The following SMIM10L2B variants were observed in gnomAD, a reference collection of about 807,000 sequenced individuals.
SMIM10L2B encodes small integral membrane protein 10-like protein 2B.
For missense variants in SMIM10L2B, 40 were observed against 58.7 expected (o/e 0.68, Z 1.04); for synonymous variants, 28 against 30.0 (o/e 0.93, Z 0.22).
At position 135,096,088 on chromosome X, in the gene SMIM10L2B, CTGAGAATG is replaced by C. The variant is rs1556397973; in HGVS notation, c.*1390_*1397del. 5 of 111,584 alleles carry C rather than the reference CTGAGAATG, an allele frequency of 4.5e-5. No individual in the cohort carries two copies. The highest frequency in any genetic ancestry group is 9.4e-5 in the Non-Finnish European group (5 of 53,157). The allele number at this position is 111,584 out of a possible 1,213,427, so 9.2% of individuals were successfully genotyped here. ...CTGCTGCAGTTTTCAATCCCAGGAA[CTGAGAATG>C]TGGCCCTCAGGGTACCAGTGCAAGA... is the stretch of plus-strand genomic sequence containing the variant. On this transcript the variant is annotated 3_prime_UTR_variant, in exon 2 of 2. Transcript: ENST00000433425.
In SMIM10L2B at chrX:135,096,690, C is replaced by G. The variant is rs1282955749; in HGVS notation, c.*796G>C. The G allele has an allele frequency of 8.9e-6, 1 of 111,847 alleles. No individual in the cohort carries two copies. The allele number at this position is 111,847 out of a possible 1,213,427, so 9.2% of individuals were successfully genotyped here. On this transcript the variant is annotated 3_prime_UTR_variant, in exon 2 of 2. Coordinates refer to ENST00000433425, the MANE Select transcript of SMIM10L2B (RefSeq NM_001348255.2). The stretch of plus-strand genomic sequence containing the variant: ...TATGCTTCCCTCTTCACTTTCCCCT[C>G]CCTCCTCCCATCATGCCAGGTCTTG...
At chrX:135,097,261 G>A (rs2083450147) in intron 1 of SMIM10L2B, 140 bp from the exon 2 acceptor site, 2 of 113,230 alleles carry the variant, frequency 1.8e-5, no homozygotes, top group Non-Finnish European at 3.7e-5. Context: ...TGTGTGCTCA[G>A]GGAGGTCTCT....
rs1556397984 is a variant in SMIM10L2B, at chrX:135,096,143, G to A, written c.*1343C>T. 1.8e-5 allele frequency: 2 copies of A among 111,303 alleles called. No homozygotes were observed. The highest frequency in any genetic ancestry group is 6.6e-5 in the African/African-American group (2 of 30,516). 9.2% of individuals were successfully genotyped at this position (111,303 alleles called of 1,213,427 possible). On this transcript the variant is annotated 3_prime_UTR_variant, in exon 2 of 2. Coordinates refer to ENST00000433425, the MANE Select transcript of SMIM10L2B (RefSeq NM_001348255.2). ...AAGAGATGCGGAAATGGGGATAGCA[G>A]GTGAGGGCGAGGGTCCCTTCCTGGC...
At chrX:135,097,314 G>A (rs183821853) in intron 1 of SMIM10L2B, among the ~76,000 whole-genome samples, 193 bp from the exon 2 acceptor site, 10 of 112,779 alleles carry the variant, frequency 8.9e-5, no homozygotes, top group Non-Finnish European at 1.5e-4. Flanking sequence ...TCTCGAGGCC[G>A]TCTGGGGCTG....
chrX:135,096,217 C>T lies in SMIM10L2B; in HGVS notation c.*1269G>A, dbSNP rs782789924. ...ATTGTACACCAGTTAGCAGCACAAC[C>T]GGGGGCCCCCAGGACCAATCCAAGC... is the stretch of plus-strand genomic sequence containing the variant. On this transcript the variant is annotated 3_prime_UTR_variant, in exon 2 of 2. Coordinates refer to ENST00000433425, the MANE Select transcript of SMIM10L2B (RefSeq NM_001348255.2). 1 of 110,904 alleles carries T rather than the reference C, an allele frequency of 9.0e-6. No individual in the cohort carries two copies. The highest frequency in any genetic ancestry group is 3.3e-5 in the African/African-American group (1 of 30,391). The allele number at this position is 110,904 out of a possible 1,213,427, so 9.1% of individuals were successfully genotyped here.
Position 135,098,600 on chromosome X carries a change from C to A in SMIM10L2B, c.34G>T (p.Ala12Ser). ...AASAALSAAA[A>S]AAALSGLAVR... ...GCCAAGCCAGACAGGGCTGCCGCCG[C>A]CGCCGCCGCAGACAGAGCCGCCGAC... The change falls in exon 1 of 2, where the codon GCG (alanine) becomes TCG (serine). Residue 12 changes from alanine (A) to serine (S), a missense_variant. Ala to Ser is a moderately conservative substitution (Grantham distance 99, BLOSUM62 1). Coordinates refer to ENST00000433425, the MANE Select transcript of SMIM10L2B (RefSeq NM_001348255.2). 1.8e-6 allele frequency: 1 copy of A among 565,833 alleles called. No individual in the cohort carries two copies. The highest frequency in any genetic ancestry group is 2.5e-6 in the Non-Finnish European group (1 of 403,166). The allele number at this position is 565,833 out of a possible 1,213,427, so 46.6% of individuals were successfully genotyped here. A position where few individuals can be genotyped will look rare whatever the true frequency, so the allele number is the denominator to read the frequency against.
chrX:135,097,902 A>T (rs2083453116), intron 1 of SMIM10L2B, 131 bp downstream of exon 1: 1 of 111,918 alleles, frequency 8.9e-6, no homozygotes, highest in Non-Finnish European at 1.9e-5. Context: ...TCCTTTCCCC[A>T]CCTGGGCTCC....
intron 1 of SMIM10L2B, among the ~76,000 whole-genome samples, chrX:135,097,577 G>A (rs2083451241): frequency 1.8e-5 from 2 of 112,193 alleles, no homozygotes; most frequent in Admixed American, 1.9e-4. Context: ...TTTGCCAAGG[G>A]CTGTGCAGGA....
chrX:135,098,511 C>G lies in SMIM10L2B; in HGVS notation c.123G>C (p.Thr41=). The part of the protein sequence containing the change: ...GSYGAFCKGL[T]RTLLTFFDLA... ...GGTCGAAGAAGGTGAGCAGCGTGCGCGTGAGCCCCTTGCAGAAGGCGCCGT... is the reference window on the plus strand; with the variant it reads ...GGTCGAAGAAGGTGAGCAGCGTGCGGGTGAGCCCCTTGCAGAAGGCGCCGT... The change falls in exon 1 of 2, where the codon ACG becomes ACC. Residue 41 remains threonine, a synonymous_variant. Coordinates refer to ENST00000433425, the MANE Select transcript of SMIM10L2B (RefSeq NM_001348255.2). 1 of 1,055,469 alleles carries G rather than the reference C, an allele frequency of 9.5e-7. No individual in the cohort carries two copies. 87.0% of individuals were successfully genotyped at this position (1,055,469 alleles called of 1,213,427 possible). A position where few individuals can be genotyped will look rare whatever the true frequency, so the allele number is the denominator to read the frequency against.
intron 1 of SMIM10L2B, among the ~76,000 whole-genome samples, chrX:135,097,394 G>A (rs577256639): frequency 4.7e-4 from 53 of 112,490 alleles, no homozygotes; most frequent in Middle Eastern, 4.6e-3. Context: ...CTGACATGGC[G>A]GAAGAGCAAG....
rs1450887324 is a variant in SMIM10L2B, at chrX:135,095,111, A to T, written c.*2375T>A. On this transcript the variant is annotated 3_prime_UTR_variant, in exon 2 of 2. Coordinates refer to ENST00000433425, the MANE Select transcript of SMIM10L2B (RefSeq NM_001348255.2). ...AGCCTGTGCTGACCAGTACACAGTG[A>T]ATCACACACAGAAACGTATGTCATT... 11 of 111,896 alleles carry T rather than the reference A, an allele frequency of 9.8e-5. No homozygotes were observed. The highest frequency in any genetic ancestry group is 2.9e-4 in the African/African-American group (9 of 30,687). 9.2% of individuals were successfully genotyped at this position (111,896 alleles called of 1,213,427 possible).
Position 135,098,352 on chromosome X carries a change from T to C in SMIM10L2B, c.*45A>G. The C allele has an allele frequency of 2.8e-6, 1 of 352,303 alleles. No individual in the cohort carries two copies. Among genetic ancestry groups the C allele is most frequent in the Non-Finnish European group, 4.6e-6 (1 of 215,950 alleles). 29.0% of individuals were successfully genotyped at this position (352,303 alleles called of 1,213,427 possible). A position where few individuals can be genotyped will look rare whatever the true frequency, so the allele number is the denominator to read the frequency against. On this transcript the variant is annotated 3_prime_UTR_variant, in exon 1 of 2. Transcript: ENST00000433425. The stretch of plus-strand genomic sequence containing the variant: ...CGGCCGGGGGCGGGCGGGGACACTG[T>C]CGCCCCTCCAGCCGGGCCTCCGCGG...
rs782137814 is a variant in SMIM10L2B, at chrX:135,097,103, C to T, written c.*383G>A. The T allele has an allele frequency of 2.2e-4, 25 of 113,458 alleles. No individual in the cohort carries two copies. Among genetic ancestry groups the T allele is most frequent in the African/African-American group, 8.0e-4 (25 of 31,297 alleles). 9.4% of individuals were successfully genotyped at this position (113,458 alleles called of 1,213,427 possible). A position where few individuals can be genotyped will look rare whatever the true frequency, so the allele number is the denominator to read the frequency against. ...CAAGGCCAGAGAAGGGGCGGGTCACCGCCTACAAACGTCAATGCCTGAAAG... is the reference window on the plus strand; with the variant it reads ...CAAGGCCAGAGAAGGGGCGGGTCACTGCCTACAAACGTCAATGCCTGAAAG... On this transcript the variant is annotated 3_prime_UTR_variant, in exon 2 of 2. Transcript: ENST00000433425.
chrX:135,097,584 A>C (rs1328532556), intron 1 of SMIM10L2B, among the ~76,000 whole-genome samples: 1 of 112,189 alleles, frequency 8.9e-6, no homozygotes, highest in Non-Finnish European at 1.9e-5. Context: ...AGGGCTGTGC[A>C]GGAGCTGCAG....
Position 135,098,271 on chromosome X carries a change from G to A in SMIM10L2B, c.*126C>T, listed in dbSNP as rs1252483605. ...GCGTAGGTCTAGAGTCCAGGGGCCC[G>A]GGCCGCCCCACCTCCGCCCCCCGCC... On this transcript the variant is annotated 3_prime_UTR_variant, in exon 1 of 2. Transcript: ENST00000433425. 7.2e-6 allele frequency: 2 copies of A among 275,875 alleles called. No individual in the cohort carries two copies. The highest frequency in any genetic ancestry group is 6.3e-6 in the Non-Finnish European group (1 of 157,519). 22.7% of individuals were successfully genotyped at this position (275,875 alleles called of 1,213,427 possible).
intron 1 of SMIM10L2B, among the ~76,000 whole-genome samples, chrX:135,097,693 G>A (rs1196012512): frequency 1.8e-5 from 2 of 112,248 alleles, no homozygotes; most frequent in African/African-American, 3.2e-5. Context: ...GGAAGAGAAG[G>A]GTGGGGGCAT....
chrX:135,097,474 A>G (rs1325064336), intron 1 of SMIM10L2B, among the ~76,000 whole-genome samples: 1 of 111,691 alleles, frequency 9.0e-6, no homozygotes, highest in Non-Finnish European at 1.9e-5. Context: ...CAAAGCTTGC[A>G]GGGTGCCCTC....
rs1273451150 is a variant in SMIM10L2B, at chrX:135,096,517, C to T, written c.*969G>A. 9.0e-6 allele frequency: 1 copy of T among 111,287 alleles called. No homozygotes were observed. Among genetic ancestry groups the T allele is most frequent in the Non-Finnish European group, 1.9e-5 (1 of 52,919 alleles). 9.2% of individuals were successfully genotyped at this position (111,287 alleles called of 1,213,427 possible). A position where few individuals can be genotyped will look rare whatever the true frequency, so the allele number is the denominator to read the frequency against. ...CTAGGCTGTGGGGGAAAGCTTGGCT[C>T]CCCAGGGATCCTGGGGCCCATCTCT... On this transcript the variant is annotated 3_prime_UTR_variant, in exon 2 of 2. Coordinates refer to ENST00000433425, the MANE Select transcript of SMIM10L2B (RefSeq NM_001348255.2).
Position 135,098,159 on chromosome X carries a change from G to C in SMIM10L2B, c.*238C>G. 1 of 234,877 alleles carries C rather than the reference G, an allele frequency of 4.3e-6. No homozygotes were observed. The highest frequency in any genetic ancestry group is 7.7e-6 in the Non-Finnish European group (1 of 130,018). 19.4% of individuals were successfully genotyped at this position (234,877 alleles called of 1,213,427 possible). A position where few individuals can be genotyped will look rare whatever the true frequency, so the allele number is the denominator to read the frequency against. On this transcript the variant is annotated 3_prime_UTR_variant, in exon 1 of 2. Coordinates refer to ENST00000433425, the MANE Select transcript of SMIM10L2B (RefSeq NM_001348255.2). ...AGGTAGTTTCTGGAGCCCAATTGTA[G>C]GGGCCTGTTCAGTGCATTTCTGCGC...
Sources: allele counts gnomAD v4.1 joint callset (sites outside exome capture counted in the v4.1 genomes callset), GRCh38; gene constraint gnomAD v4.1.1; transcripts MANE v1.5; gene names NCBI Gene and HGNC (gene_info 2026-07-23, HGNC 2026-07-21).